Variants in TG observed in about 807,000 individuals in gnomAD.
TG encodes the protein thyroid hormones.
Under a neutral mutation model 324.7 loss-of-function variants are expected in TG, and 270 were observed. The observed-to-expected ratio is 0.83, with a 90% confidence interval of 0.75 to 0.92. TG has a LOEUF of 0.92. Ranked by LOEUF, TG falls within the 40% of genes least tolerant of loss-of-function variation. The pLI is 0.00. For synonymous variants in TG, 1,401 were observed against 1,327.0 expected (o/e 1.06, Z -1.21); for missense variants, 3,591 against 3,456.4 (o/e 1.04, Z -0.98).
intron 10 of TG, among the ~76,000 whole-genome samples, chr8:132,891,200 C>T (rs936026948): frequency 2.6e-5 from 4 of 151,966 alleles, no homozygotes; most frequent in Admixed American, 6.6e-5. Flanking sequence ...GCAGATGTGG[C>T]AGGCCCTTTG....
At chr8:133,109,562 G>C (rs1396448046) in intron 43 of TG, among the ~76,000 whole-genome samples, 1 of 152,120 alleles carries the variant, frequency 6.6e-6, no homozygotes, top group African/African-American at 2.4e-5. Flanking sequence ...AGCTCGTCTG[G>C]GTGGCAAGGG....
chr8:133,058,565 C>A (rs914503012), intron 41 of TG, among the ~76,000 whole-genome samples: 2 of 152,160 alleles, frequency 1.3e-5, no homozygotes, highest in Admixed American at 1.3e-4. Context: ...GGGTGCCTCC[C>A]CAGCCTGCCT....
At chr8:132,892,524 G>A (rs1209501208) in intron 10 of TG, among the ~76,000 whole-genome samples, 1 of 152,214 alleles carries the variant, frequency 6.6e-6, no homozygotes, top group Non-Finnish European at 1.5e-5. Context: ...CTTATGCAGT[G>A]GTTCCTCCAC....
chr8:133,025,554 G>T (rs1835993568), intron 40 of TG, among the ~76,000 whole-genome samples: 1 of 152,150 alleles, frequency 6.6e-6, no homozygotes, highest in Non-Finnish European at 1.5e-5. Flanking sequence ...TACCCTTGAT[G>T]AGCCGATGGT....
At chr8:133,023,817 T>C (rs1342030350) in intron 40 of TG, among the ~76,000 whole-genome samples, 1 of 152,154 alleles carries the variant, frequency 6.6e-6, no homozygotes, top group Non-Finnish European at 1.5e-5. Flanking sequence ...CAGAGTGTAA[T>C]CTTGTTGAGA....
At chr8:132,870,929 A>T (rs1839429697) in intron 3 of TG, among the ~76,000 whole-genome samples, 1 of 152,166 alleles carries the variant, frequency 6.6e-6, no homozygotes, top group Admixed American at 6.5e-5. Flanking sequence ...TGGGGATCAG[A>T]TTTCAACATG....
At chr8:133,094,929 G>A in intron 41 of TG, 115 bp from the exon 42 acceptor site, 2 of 1,442,406 alleles carry the variant, frequency 1.4e-6, no homozygotes, top group South Asian at 2.3e-5. Context: ...ATGGGTCCTG[G>A]GACTCCCAAG....
chr8:133,055,135 C>T (rs772777404), intron 41 of TG, among the ~76,000 whole-genome samples: 8 of 152,124 alleles, frequency 5.3e-5, no homozygotes, highest in Non-Finnish European at 8.8e-5. Flanking sequence ...TTCAAGCTCT[C>T]CTCAGCCCAC....
intron 18 of TG, among the ~76,000 whole-genome samples, chr8:132,908,770 G>A (rs1044755308): frequency 5.9e-5 from 9 of 152,166 alleles, no homozygotes; most frequent in East Asian, 1.9e-4. Flanking sequence ...AAAGCAGGTC[G>A]GGCCTTGCTT....
intron 34 of TG, among the ~76,000 whole-genome samples, chr8:132,982,056 G>A (rs1444152674): frequency 6.6e-6 from 1 of 152,136 alleles, no homozygotes; most frequent in Admixed American, 6.6e-5. Flanking sequence ...TTGTTAAAGG[G>A]CAGTATTAAG....
At chr8:132,952,896 G>T (rs375237706) in intron 27 of TG, among the ~76,000 whole-genome samples, 1 of 152,206 alleles carries the variant, frequency 6.6e-6, no homozygotes, top group South Asian at 2.1e-4. Flanking sequence ...TAGGAGACCA[G>T]TGCTATCTTG....
chr8:133,134,825 C>T lies in TG; in HGVS notation c.*31C>T, dbSNP rs372394787. The T allele has an allele frequency of 3.0e-5, 47 of 1,565,136 alleles. No homozygotes were observed. Among genetic ancestry groups the T allele is most frequent in the Admixed American group, 5.0e-5 (3 of 59,924 alleles). On this transcript the variant is annotated 3_prime_UTR_variant, in exon 48 of 48. Coordinates refer to ENST00000220616, the MANE Select transcript of TG (RefSeq NM_003235.5). ...CCTTGAGCTCCCCAAAAACCTCACC[C>T]GAGGCTGCCCACTATGGTCATCTTT... is the stretch of plus-strand genomic sequence containing the variant.
intron 41 of TG, among the ~76,000 whole-genome samples, chr8:133,072,056 A>G (rs1175931051): frequency 1.3e-5 from 2 of 152,162 alleles, no homozygotes; most frequent in Non-Finnish European, 2.9e-5. Context: ...GCCCCTAAGC[A>G]CAAGCCAGCA....
chr8:133,121,096 G>A (rs545310656), intron 45 of TG, among the ~76,000 whole-genome samples: 22 of 152,276 alleles, frequency 1.4e-4, no homozygotes, highest in South Asian at 1.0e-3. Context: ...CCGTGGCTCC[G>A]TGGCTCTCTG....
At chr8:133,124,810 G>A (rs1434980264) in intron 45 of TG, among the ~76,000 whole-genome samples, 2 of 152,162 alleles carry the variant, frequency 1.3e-5, no homozygotes, top group Non-Finnish European at 2.9e-5. Context: ...AAGGCATTTT[G>A]TACACCACTA....
intron 33 of TG, 115 bp downstream of exon 33, chr8:132,971,988 AG>A (rs1829591532): frequency 1.2e-6 from 1 of 809,930 alleles, no homozygotes; most frequent in East Asian, 2.6e-5. Context: ...TTCACAGATA[AG>A]GAAATGGGGG....
intron 35 of TG, chr8:133,002,736 T>C: frequency 3.9e-6 from 1 of 254,098 alleles, no homozygotes; most frequent in Non-Finnish European, 7.6e-6. Context: ...CTTGGGCTTC[T>C]TTTTCTGATC....
chr8:132,988,064 G>GCA (rs35161639), intron 35 of TG, among the ~76,000 whole-genome samples: 20,256 of 134,426 alleles, frequency 0.15, 1,517 homozygotes, highest in Middle Eastern at 0.19. Flanking sequence ...ACATACACAT[G>GCA]CACACACACA....
chr8:133,121,892 A>G (rs1318672132), intron 45 of TG, among the ~76,000 whole-genome samples: 1 of 152,156 alleles, frequency 6.6e-6, no homozygotes, highest in East Asian at 1.9e-4. Flanking sequence ...GAATCAATGA[A>G]TGACTCACAG....
Sources: gnomAD v4.1 joint callset for allele counts (sites outside exome capture counted in the v4.1 genomes callset) on GRCh38, gnomAD v4.1.1 for gene constraint, MANE v1.5 for transcripts, NCBI Gene and HGNC (gene_info 2026-07-23, HGNC 2026-07-21) for gene names.